ARHGAP35: variants seen among roughly 807,000 people sequenced by gnomAD.
ARHGAP35 encodes the protein Rho GTPase activating protein 35, also known as rho GTPase-activating protein 35.
A neutral mutation model predicts 111.1 loss-of-function variants in ARHGAP35; 15 were observed. That is an observed-to-expected ratio of 0.13 (90% CI 0.09 to 0.21). The LOEUF (loss-of-function observed/expected upper bound fraction) is 0.21. Ranked by LOEUF, ARHGAP35 falls within the 10% of genes least tolerant of loss-of-function variation. The probability of loss-of-function intolerance (pLI) is 1.00; values close to 1 mark genes in which losing one functional copy is unlikely to be tolerated. For synonymous variants in ARHGAP35, 643 were observed against 710.3 expected (o/e 0.91, Z 1.51); for missense variants, 1,262 against 1,873.0 (o/e 0.67, Z 6.02).
chr19:46,920,073 G>A lies in ARHGAP35; in HGVS notation c.1398G>A (p.Gln466=). 1.2e-6 allele frequency: 2 copies of A among 1,613,684 alleles called. No homozygotes were observed. Among genetic ancestry groups the A allele is most frequent in the East Asian group, 4.5e-5 (2 of 44,882 alleles). Residue 466 remains glutamine (Q), a synonymous_variant, in exon 2 of 7, where the codon CAG becomes CAA. Coordinates refer to ENST00000672722, the MANE Select transcript of ARHGAP35 (RefSeq NM_004491.5). The surrounding 1 kb of genome is among the most constrained non-coding windows in gnomAD (Gnocchi z 7.0). ...TTATTATGAATGAGGATTTCTACCAGTGGCTGGAGGAATCTGTATACATGG... is the reference window on the plus strand; with the variant it reads ...TTATTATGAATGAGGATTTCTACCAATGGCTGGAGGAATCTGTATACATGG... ...RSFIMNEDFY[Q]WLEESVYMDI...
At chr19:46,954,155 C>T (rs1051243308) in intron 3 of ARHGAP35, among the ~76,000 whole-genome samples, 15 of 152,174 alleles carry the variant, frequency 9.9e-5, no homozygotes, top group African/African-American at 2.9e-4. Flanking sequence ...GCTGGCCCCT[C>T]GATCTTGGAC....
chr19:46,868,589 T>G (rs181665085), intron 1 of ARHGAP35, among the ~76,000 whole-genome samples: 1 of 152,304 alleles, frequency 6.6e-6, no homozygotes, highest in African/African-American at 2.4e-5. Context: ...AAGTTGAGCA[T>G]TTTATGTCTG....
In ARHGAP35 at chr19:46,901,266, TATAAG is replaced by T. The variant is rs1403938605; in HGVS notation, c.-188-17220_-188-17216del. 3.9e-5 allele frequency among the ~76,000 whole-genome samples: 6 copies of T among 152,012 alleles called. No homozygotes were observed. The highest frequency in any genetic ancestry group is 8.8e-5 in the Non-Finnish European group (6 of 67,974). On this transcript the variant is annotated intron_variant, in intron 1 of 6. Transcript: ENST00000672722. This position sits in a 1 kb window ranked among gnomAD's most constrained non-coding sequence, Gnocchi z 4.5. ...AGGGAATAAGAATTTGAGGGTTTAATATAAGAGCAGGCCAGGCATAGTGGCTCACC... is the reference window on the plus strand; with the variant it reads ...AGGGAATAAGAATTTGAGGGTTTAATAGCAGGCCAGGCATAGTGGCTCACC...
chr19:46,892,123 TAAAA>T (rs1178888092), intron 1 of ARHGAP35, among the ~76,000 whole-genome samples: 4 of 53,896 alleles, frequency 7.4e-5, no homozygotes, highest in South Asian at 5.8e-4. Context: ...CTGTCTCTAC[TAAAA>T]AAAAAAAAAA....
Position 46,926,892 on chromosome 19 carries a change from A to G in ARHGAP35, c.3681+4536A>G, listed in dbSNP as rs1004528335. The stretch of plus-strand genomic sequence containing the variant: ...GGCCTAGAATGGAGTTAAAGTTTCT[A>G]GTGTGAATAAAAACCAGCTGGGGAA... On this transcript the variant is annotated intron_variant, in intron 2 of 6. Coordinates refer to ENST00000672722, the MANE Select transcript of ARHGAP35 (RefSeq NM_004491.5). The surrounding 1 kb of genome is among the most constrained non-coding windows in gnomAD (Gnocchi z 4.1). Among the ~76,000 whole-genome samples, 1 of 152,214 alleles carries G rather than the reference A, an allele frequency of 6.6e-6. No individual in the cohort carries two copies. Among genetic ancestry groups the G allele is most frequent in the East Asian group, 1.9e-4 (1 of 5,202 alleles).
At position 46,993,983 on chromosome 19, in the gene ARHGAP35, T is replaced by G. The variant is rs891834871; in HGVS notation, c.4036+4308T>G. Among the ~76,000 whole-genome samples, 1 of 152,144 alleles carries G rather than the reference T, an allele frequency of 6.6e-6. No homozygotes were observed. The highest frequency in any genetic ancestry group is 2.4e-5 in the African/African-American group (1 of 41,434). ...GTGTCTTGACTCCCAAAGGGCAGGC[T>G]GAGGGAGCAGAGGATGTGAGGATCG... is the stretch of plus-strand genomic sequence containing the variant. On this transcript the variant is annotated intron_variant, in intron 5 of 6. Coordinates refer to ENST00000672722, the MANE Select transcript of ARHGAP35 (RefSeq NM_004491.5). This position sits in a 1 kb window ranked among gnomAD's most constrained non-coding sequence, Gnocchi z 4.6.
chr19:46,877,520 C>T (rs2055931841), intron 1 of ARHGAP35, among the ~76,000 whole-genome samples: 1 of 152,046 alleles, frequency 6.6e-6, no homozygotes, highest in South Asian at 2.1e-4. Context: ...GCCATGATCA[C>T]ACCATTGCAC....
At position 46,999,416 on chromosome 19, in the gene ARHGAP35, C is replaced by A; in HGVS notation, c.4142+7C>A. The A allele has an allele frequency of 6.4e-7, 1 of 1,554,510 alleles. No individual in the cohort carries two copies. Among genetic ancestry groups the A allele is most frequent in the African/African-American group, 1.4e-5 (1 of 73,656 alleles). ...TCATCTCTCACCTAAACAAGTAAGTCGCAGGGCCTTCTGGTTGGTTTTTCC... is the reference window on the plus strand; with the variant it reads ...TCATCTCTCACCTAAACAAGTAAGTAGCAGGGCCTTCTGGTTGGTTTTTCC... On this transcript the variant is annotated splice_region_variant and intron_variant, in intron 6 of 6. Transcript: ENST00000672722. The surrounding 1 kb of genome is among the most constrained non-coding windows in gnomAD (Gnocchi z 5.4).
At chr19:46,955,749 T>G (rs1451474944) in intron 3 of ARHGAP35, among the ~76,000 whole-genome samples, 1 of 152,162 alleles carries the variant, frequency 6.6e-6, no homozygotes, top group Non-Finnish European at 1.5e-5. Flanking sequence ...CAAGCTAGAT[T>G]ACAGAGCAAC....
Position 46,918,309 on chromosome 19 carries a change from G to T in ARHGAP35, c.-188-179G>T. On this transcript the variant is annotated intron_variant, in intron 1 of 6. Transcript: ENST00000672722. This position sits in a 1 kb window ranked among gnomAD's most constrained non-coding sequence, Gnocchi z 5.4. ...ACTGGACTAGATTGTACCTCTCTGGGGACACATAGATGTGAGTCTTACTTG... is the reference window on the plus strand; with the variant it reads ...ACTGGACTAGATTGTACCTCTCTGGTGACACATAGATGTGAGTCTTACTTG... Among the ~76,000 whole-genome samples the T allele has an allele frequency of 6.6e-6, 1 of 151,984 alleles. No individual in the cohort carries two copies. The highest frequency in any genetic ancestry group is 2.4e-5 in the African/African-American group (1 of 41,352).
chr19:46,894,838 G>A (rs1414409323), intron 1 of ARHGAP35, among the ~76,000 whole-genome samples: 1 of 152,166 alleles, frequency 6.6e-6, no homozygotes, highest in East Asian at 1.9e-4. Flanking sequence ...TTGAGATTGA[G>A]ATAATAGAGA....
intron 3 of ARHGAP35, among the ~76,000 whole-genome samples, chr19:46,974,934 G>A (rs537063663): frequency 5.3e-5 from 8 of 152,266 alleles, no homozygotes; most frequent in African/African-American, 1.9e-4. Flanking sequence ...GCAATGGCAC[G>A]ATCTCGGCTC....
At chr19:46,953,073 T>C (rs1229469865) in intron 3 of ARHGAP35, among the ~76,000 whole-genome samples, 1 of 152,182 alleles carries the variant, frequency 6.6e-6, no homozygotes, top group East Asian at 1.9e-4. Context: ...TTTTCGCATA[T>C]TCAGCAAGTA....
At chr19:46,893,738 A>G (rs1238981676) in intron 1 of ARHGAP35, among the ~76,000 whole-genome samples, 1 of 152,042 alleles carries the variant, frequency 6.6e-6, no homozygotes, top group Non-Finnish European at 1.5e-5. Flanking sequence ...AAATCTTTCA[A>G]TAAGTGATCC....
chr19:46,999,066 C>T lies in ARHGAP35; in HGVS notation c.4037-238C>T, dbSNP rs1014768941. On this transcript the variant is annotated intron_variant, in intron 5 of 6. Transcript: ENST00000672722. This position sits in a 1 kb window ranked among gnomAD's most constrained non-coding sequence, Gnocchi z 5.4. ...CTTGGGTGGTGGGGGCCAGGAAGCC[C>T]CAGGCACACAGTGCCGCCCTTCAGC... is the stretch of plus-strand genomic sequence containing the variant. 13 of 527,202 alleles carry T rather than the reference C, an allele frequency of 2.5e-5. No homozygotes were observed. The highest frequency in any genetic ancestry group is 3.7e-5 in the Non-Finnish European group (11 of 296,428). The allele number at this position is 527,202 out of a possible 1,614,324, so 32.7% of individuals were successfully genotyped here.
chr19:46,973,705 G>C (rs1008505989), intron 3 of ARHGAP35, among the ~76,000 whole-genome samples: 4 of 145,104 alleles, frequency 2.8e-5, no homozygotes, highest in African/African-American at 1.0e-4. Context: ...AAAAAATTGA[G>C]GGCCAGGCAC....
At chr19:46,900,524 A>C (rs1164703576) in intron 1 of ARHGAP35, among the ~76,000 whole-genome samples, 1 of 152,058 alleles carries the variant, frequency 6.6e-6, no homozygotes, top group Non-Finnish European at 1.5e-5. Context: ...CCCAGCCTTT[A>C]TTAGCCAATT....
At chr19:46,863,714 T>C (rs2055841300) in intron 1 of ARHGAP35, among the ~76,000 whole-genome samples, 1 of 151,330 alleles carries the variant, frequency 6.6e-6, no homozygotes, top group South Asian at 2.1e-4. Flanking sequence ...TACCTCTAGC[T>C]GGGGAAATGC....
At chr19:46,977,095 C>T (rs929056989) in intron 3 of ARHGAP35, among the ~76,000 whole-genome samples, 2 of 152,208 alleles carry the variant, frequency 1.3e-5, no homozygotes, top group Non-Finnish European at 1.5e-5. Flanking sequence ...AGGCTGAGCC[C>T]TGATAAAAGG....
Sources: gnomAD v4.1 joint callset for allele counts (sites outside exome capture counted in the v4.1 genomes callset) on GRCh38, gnomAD v4.1.1 for gene constraint, Gnocchi (gnomAD v3.1) non-coding constraint, MANE v1.5 for transcripts, NCBI Gene and HGNC (gene_info 2026-07-23, HGNC 2026-07-21) for gene names.